Variants in SGCZ observed in about 807,000 individuals in gnomAD.
SGCZ encodes zeta-sarcoglycan.
SGCZ carries 40 observed loss-of-function variants against 41.3 expected under a neutral mutation model. That is an observed-to-expected ratio of 0.97 (90% CI 0.75 to 1.26). The LOEUF is 1.26. SGCZ is among the 50% of genes most tolerant of loss of function. SGCZ has a pLI of 0.00. For synonymous variants in SGCZ, 206 were observed against 137.5 expected (o/e 1.50, Z -3.49); for missense variants, 552 against 369.8 (o/e 1.49, Z -4.04).
chr8:14,433,924 T>C (rs755661560), intron 2 of SGCZ, among the ~76,000 whole-genome samples: 1 of 152,036 alleles, frequency 6.6e-6, no homozygotes, highest in Admixed American at 6.6e-5. Context: ...AGTTGACATT[T>C]TCAGTGATCA....
At chr8:14,618,830 G>C (rs1318863027) in intron 1 of SGCZ, among the ~76,000 whole-genome samples, 2 of 152,112 alleles carry the variant, frequency 1.3e-5, no homozygotes, top group Non-Finnish European at 2.9e-5. Context: ...TAACAATTCC[G>C]ATGGGGAGTA....
intron 1 of SGCZ, among the ~76,000 whole-genome samples, chr8:14,939,072 A>G (rs955913306): frequency 6.6e-6 from 1 of 152,078 alleles, no homozygotes; most frequent in East Asian, 1.9e-4. Flanking sequence ...CACTTAGCAA[A>G]CTCATTAAAG....
At chr8:15,004,133 C>G (rs1012308752) in intron 1 of SGCZ, among the ~76,000 whole-genome samples, 1 of 152,126 alleles carries the variant, frequency 6.6e-6, no homozygotes, top group African/African-American at 2.4e-5. Flanking sequence ...CCAGTAATCG[C>G]TCACTCTGCA....
At chr8:14,470,936 T>C (rs1801197304) in intron 2 of SGCZ, among the ~76,000 whole-genome samples, 1 of 152,142 alleles carries the variant, frequency 6.6e-6, no homozygotes, top group Non-Finnish European at 1.5e-5. Context: ...TTTAGTAAGC[T>C]TGGCCCCAGG....
chr8:14,479,450 C>G (rs1424979904), intron 2 of SGCZ, among the ~76,000 whole-genome samples: 1 of 152,120 alleles, frequency 6.6e-6, no homozygotes, highest in African/African-American at 2.4e-5. Context: ...TCTCCCAGTT[C>G]ACTGACAAAG....
At chr8:14,686,107 C>A (rs1808602214) in intron 1 of SGCZ, among the ~76,000 whole-genome samples, 2 of 152,032 alleles carry the variant, frequency 1.3e-5, no homozygotes, top group South Asian at 2.1e-4. Context: ...CACCTCCTAT[C>A]CAGGTAGTGC....
At chr8:15,130,327 C>G (rs1248045370) in intron 1 of SGCZ, among the ~76,000 whole-genome samples, 1 of 152,148 alleles carries the variant, frequency 6.6e-6, no homozygotes, top group Non-Finnish European at 1.5e-5. Flanking sequence ...TCTGCAGGCT[C>G]AGCACTTGGT....
intron 1 of SGCZ, among the ~76,000 whole-genome samples, chr8:14,871,892 A>ATATG (rs60883491): frequency 1.5e-4 from 22 of 150,378 alleles, no homozygotes; most frequent in South Asian, 6.3e-4. Context: ...ATGTATGTAT[A>ATATG]TATGTATGTA....
chr8:14,574,320 GA>G (rs1252857422), intron 1 of SGCZ, among the ~76,000 whole-genome samples: 1 of 149,512 alleles, frequency 6.7e-6, no homozygotes, highest in Non-Finnish European at 1.5e-5. Context: ...GCAAGCCAAA[GA>G]AACAAGAATT....
At chr8:14,100,979 A>G (rs1174296824) in intron 7 of SGCZ, among the ~76,000 whole-genome samples, 1 of 152,192 alleles carries the variant, frequency 6.6e-6, no homozygotes, top group African/African-American at 2.4e-5. Flanking sequence ...GAAAAGCAAT[A>G]CAACAGATTT....
chr8:15,237,256 C>CG (rs1802159246), intron 1 of SGCZ, among the ~76,000 whole-genome samples: 1 of 151,986 alleles, frequency 6.6e-6, no homozygotes, highest in Non-Finnish European at 1.5e-5. Flanking sequence ...GCCGCTGCCC[C>CG]CCCCGGGGAG....
intron 2 of SGCZ, among the ~76,000 whole-genome samples, chr8:14,374,289 G>A (rs1418328231): frequency 6.6e-6 from 1 of 152,132 alleles, no homozygotes; most frequent in Non-Finnish European, 1.5e-5. Context: ...TGAGATGGGA[G>A]GATAACCTGT....
intron 1 of SGCZ, among the ~76,000 whole-genome samples, chr8:14,927,161 T>C (rs1327344510): frequency 7.4e-6 from 1 of 135,374 alleles, no homozygotes; most frequent in Non-Finnish European, 1.5e-5. Flanking sequence ...CAGGCTGGAG[T>C]GCAATGGCGC....
chr8:14,408,952 A>AGT (rs67492518), intron 2 of SGCZ, among the ~76,000 whole-genome samples: 70 of 149,538 alleles, frequency 4.7e-4, no homozygotes, highest in Middle Eastern at 7.0e-3. Context: ...AAATTAAGAG[A>AGT]GTGTGTGTGT....
At chr8:14,553,148 A>C (rs565212909) in intron 2 of SGCZ, among the ~76,000 whole-genome samples, 5 of 152,162 alleles carry the variant, frequency 3.3e-5, no homozygotes, top group African/African-American at 7.2e-5. Context: ...CCTGAAGGAC[A>C]CCCAGACAGT....
Position 14,937,974 on chromosome 8 carries a change from G to T in SGCZ, c.39+299611C>A, listed in dbSNP as rs369990100. Among the ~76,000 whole-genome samples the T allele has an allele frequency of 2.6e-5, 4 of 152,196 alleles. No individual in the cohort carries two copies. In the East Asian group the frequency reaches 7.7e-4, roughly 29 times the overall value. ...TGAGCTAAGTACATACTTTTATTTG[G>T]AAAGTCAGCTTAAGAAATGTTTGAT... On this transcript the variant is annotated intron_variant, in intron 1 of 7. Transcript: ENST00000382080.
At chr8:15,007,081 A>T (rs1802630996) in intron 1 of SGCZ, among the ~76,000 whole-genome samples, 1 of 152,236 alleles carries the variant, frequency 6.6e-6, no homozygotes, top group Non-Finnish European at 1.5e-5. Flanking sequence ...ACAAAAATTG[A>T]AGGACTGAGT....
chr8:15,169,986 G>A (rs1298987622), intron 1 of SGCZ, among the ~76,000 whole-genome samples: 2 of 152,160 alleles, frequency 1.3e-5, no homozygotes, highest in Non-Finnish European at 2.9e-5. Flanking sequence ...CTGCAGCCAA[G>A]TATTTAAATC....
chr8:14,502,233 A>G (rs1398392381), intron 2 of SGCZ, among the ~76,000 whole-genome samples: 1 of 152,094 alleles, frequency 6.6e-6, no homozygotes, highest in Non-Finnish European at 1.5e-5. Context: ...CATCAATACA[A>G]AAAAGGATTT....
Sources: gnomAD v4.1 joint callset for allele counts (sites outside exome capture counted in the v4.1 genomes callset) on GRCh38, gnomAD v4.1.1 for gene constraint, MANE v1.5 for transcripts, NCBI Gene and HGNC (gene_info 2026-07-23, HGNC 2026-07-21) for gene names.